The following SMAD3 variants were observed in gnomAD, a reference collection of about 807,000 sequenced individuals.
SMAD3 encodes SMAD family member 3.
Under a neutral mutation model 51.8 loss-of-function variants are expected in SMAD3, and 12 were observed. The ratio of observed to expected loss-of-function variants is 0.23; its 90% confidence interval spans 0.15 to 0.38. The LOEUF is 0.38. SMAD3 is among the 10% of genes least tolerant of loss of function. The pLI is 1.00. For missense variants in SMAD3, 294 were observed against 565.6 expected (o/e 0.52, Z 4.87); for synonymous variants, 238 against 227.7 (o/e 1.05, Z -0.41).
chr15:67,157,377 A>C (rs1229931015), intron 1 of SMAD3, among the ~76,000 whole-genome samples: 1 of 152,196 alleles, frequency 6.6e-6, no homozygotes, highest in Non-Finnish European at 1.5e-5. Context: ...AGCGCTGTTC[A>C]TCCAACCTGC....
chr15:67,085,868 GCACACACACACACACA>G (rs78357581), intron 1 of SMAD3, among the ~76,000 whole-genome samples: 1 of 100,066 alleles, frequency 1.0e-5, no homozygotes, highest in Non-Finnish European at 2.2e-5. Flanking sequence ...AAAAAAGCGT[GCACACACACACACACA>G]CACACACACA....
intron 1 of SMAD3, among the ~76,000 whole-genome samples, chr15:67,084,074 T>TC (rs200703274): frequency 0.075 from 8,621 of 115,230 alleles, 235 homozygotes; most frequent in East Asian, 0.19. Context: ...TTTTTTCTTT[T>TC]TTTTTTTTTT....
chr15:67,119,106 G>A (rs1239383931), intron 1 of SMAD3, among the ~76,000 whole-genome samples: 2 of 152,170 alleles, frequency 1.3e-5, no homozygotes, highest in African/African-American at 4.8e-5. Flanking sequence ...AGAATGAGAA[G>A]GTCCAGACCT....
chr15:67,083,336 A>G (rs921036221), intron 1 of SMAD3, among the ~76,000 whole-genome samples: 1 of 152,124 alleles, frequency 6.6e-6, no homozygotes, highest in Non-Finnish European at 1.5e-5. Context: ...GCCTGTTTAT[A>G]AGAGGGAAGT....
At chr15:67,141,772 A>G (rs887196078) in intron 1 of SMAD3, among the ~76,000 whole-genome samples, 6 of 152,130 alleles carry the variant, frequency 3.9e-5, no homozygotes, top group Admixed American at 1.3e-4. Context: ...CCATACACCC[A>G]TTAGACTCCT....
chr15:67,165,167 G>T, intron 2 of SMAD3, 79 bp downstream of exon 2: 1 of 1,612,296 alleles, frequency 6.2e-7, no homozygotes, highest in Non-Finnish European at 8.5e-7. Context: ...CCCCCCGAGG[G>T]TCTGCGGTGC....
Position 67,193,649 on chromosome 15 carries a change from G to A in SMAD3, c.*3113G>A, listed in dbSNP as rs1167095530. ...TTAGGAAGAGCACACATGAGGGCAA[G>A]GCTGCTGGCAGACGTCTCCATTGTC... is the stretch of plus-strand genomic sequence containing the variant. On this transcript the variant is annotated 3_prime_UTR_variant, in exon 9 of 9. Coordinates refer to ENST00000327367, the MANE Select transcript of SMAD3 (RefSeq NM_005902.4). 1.3e-5 allele frequency: 3 copies of A among 233,482 alleles called. No individual in the cohort carries two copies. The highest frequency in any genetic ancestry group is 6.0e-5 in the East Asian group (1 of 16,696). The allele number at this position is 233,482 out of a possible 1,614,324, so 14.5% of individuals were successfully genotyped here. A position where few individuals can be genotyped will look rare whatever the true frequency, so the allele number is the denominator to read the frequency against.
At chr15:67,182,480 C>T (rs537200522) in intron 6 of SMAD3, among the ~76,000 whole-genome samples, 7 of 152,120 alleles carry the variant, frequency 4.6e-5, no homozygotes, top group African/African-American at 1.2e-4. Context: ...AGGGTTCCTG[C>T]GGCAAACTCA....
At chr15:67,100,734 A>G (rs1566968311) in intron 1 of SMAD3, among the ~76,000 whole-genome samples, 1 of 152,184 alleles carries the variant, frequency 6.6e-6, no homozygotes, top group Non-Finnish European at 1.5e-5. Context: ...AAAGAAAGGA[A>G]TGGGACATTT....
At chr15:67,090,843 C>T (rs1268582462) in intron 1 of SMAD3, among the ~76,000 whole-genome samples, 1 of 152,146 alleles carries the variant, frequency 6.6e-6, no homozygotes, top group Non-Finnish European at 1.5e-5. Flanking sequence ...CTGTTGTTTG[C>T]AGTGTTTCAG....
chr15:67,144,929 A>C (rs1295364632), intron 1 of SMAD3, among the ~76,000 whole-genome samples: 1 of 152,098 alleles, frequency 6.6e-6, no homozygotes, highest in African/African-American at 2.4e-5. Flanking sequence ...GCTGGAGTGC[A>C]GGCAGGAAGT....
intron 1 of SMAD3, among the ~76,000 whole-genome samples, chr15:67,149,758 AC>A (rs1235706006): frequency 2.0e-5 from 3 of 152,126 alleles, no homozygotes; most frequent in African/African-American, 7.2e-5. Context: ...TATACAGGGC[AC>A]CCATTCTTTG....
intron 5 of SMAD3, among the ~76,000 whole-genome samples, chr15:67,171,407 C>A (rs1206634032): frequency 6.6e-6 from 1 of 152,148 alleles, no homozygotes; most frequent in African/African-American, 2.4e-5. Context: ...TTGGGATAGG[C>A]TTTGGCATGG....
At chr15:67,147,195 G>A (rs963804347) in intron 1 of SMAD3, among the ~76,000 whole-genome samples, 5 of 152,172 alleles carry the variant, frequency 3.3e-5, no homozygotes, top group Non-Finnish European at 7.3e-5. Context: ...TGTTTACAGA[G>A]CCCGGGAGAT....
intron 1 of SMAD3, chr15:67,147,082 A>G (rs1380175036): frequency 6.6e-6 from 1 of 152,028 alleles, no homozygotes; most frequent in African/African-American, 2.4e-5. Flanking sequence ...CCCGTCGTCA[A>G]CTCTTGTTTA....
At chr15:67,101,796 C>G (rs1960763711) in intron 1 of SMAD3, among the ~76,000 whole-genome samples, 1 of 152,224 alleles carries the variant, frequency 6.6e-6, no homozygotes, top group African/African-American at 2.4e-5. Context: ...TTTCTGGCCT[C>G]TCCTATCTTA....
At chr15:67,177,113 G>A (rs1300556150) in intron 5 of SMAD3, among the ~76,000 whole-genome samples, 5 of 152,134 alleles carry the variant, frequency 3.3e-5, no homozygotes, top group Admixed American at 6.5e-5. Flanking sequence ...GATTGGTCAG[G>A]GGAGGGGTTG....
Position 67,193,273 on chromosome 15 carries a change from T to C in SMAD3, c.*2737T>C, listed in dbSNP as rs1401690442. 1 of 233,278 alleles carries C rather than the reference T, an allele frequency of 4.3e-6. No individual in the cohort carries two copies. Among genetic ancestry groups the C allele is most frequent in the Non-Finnish European group, 8.5e-6 (1 of 118,060 alleles). The allele number at this position is 233,278 out of a possible 1,614,324, so 14.5% of individuals were successfully genotyped here. ...GCAGTTTTAAGTGGCGTTCACCTAG[T>C]CAACACGACCGCGTGTGTTGCCCCT... On this transcript the variant is annotated 3_prime_UTR_variant, in exon 9 of 9. Coordinates refer to ENST00000327367, the MANE Select transcript of SMAD3 (RefSeq NM_005902.4).
chr15:67,126,193 C>T (rs1398804143), intron 1 of SMAD3, among the ~76,000 whole-genome samples: 1 of 152,146 alleles, frequency 6.6e-6, no homozygotes, highest in African/African-American at 2.4e-5. Context: ...ACCTCCATAG[C>T]CTTCTTTGCG....
Sources: allele counts gnomAD v4.1 joint callset (sites outside exome capture counted in the v4.1 genomes callset), GRCh38; gene constraint gnomAD v4.1.1; transcripts MANE v1.5; gene names NCBI Gene and HGNC (gene_info 2026-07-23, HGNC 2026-07-21).